MARCHF1: variants seen among roughly 807,000 people sequenced by gnomAD.
MARCHF1 encodes E3 ubiquitin-protein ligase MARCHF1.
A neutral mutation model predicts 54.2 loss-of-function variants in MARCHF1; 40 were observed. That is an observed-to-expected ratio of 0.74 (90% confidence interval 0.57 to 0.96). The LOEUF is 0.96. MARCHF1 is among the 40% of genes least tolerant of loss of function. MARCHF1 has a pLI of 0.00. For missense variants in MARCHF1, 586 were observed against 656.5 expected, an observed-to-expected ratio of 0.89 and a Z score of 1.17; for synonymous variants, 236 against 236.3, an observed-to-expected ratio of 1.00 and a Z score of 0.01.
At chr4:163,543,704 G>C (rs17576559) in intron 9 of MARCHF1, among the ~76,000 whole-genome samples, 12,719 of 152,152 alleles carry the variant, frequency 0.084, 625 homozygotes, top group African/African-American at 0.13. Flanking sequence ...GTAAATGATT[G>C]CTATTCAGTC....
intron 1 of MARCHF1, among the ~76,000 whole-genome samples, chr4:164,381,575 C>T (rs190212566): frequency 6.8e-4 from 104 of 152,154 alleles, no homozygotes; most frequent in Non-Finnish European, 1.2e-3. Context: ...TATCATATGC[C>T]AAAAACCATG....
intron 3 of MARCHF1, among the ~76,000 whole-genome samples, chr4:163,972,201 G>T (rs963887212): frequency 2.6e-5 from 4 of 152,068 alleles, no homozygotes; most frequent in African/African-American, 9.7e-5. Flanking sequence ...CCTATCAGGG[G>T]GTGGGGAGCT....
At chr4:164,025,512 G>T (rs1407331103) in intron 2 of MARCHF1, among the ~76,000 whole-genome samples, 3 of 151,820 alleles carry the variant, frequency 2.0e-5, no homozygotes, top group Non-Finnish European at 4.4e-5. Flanking sequence ...CAAAATTAAG[G>T]CCAAAAAATT....
chr4:163,652,514 T>C (rs1743003347), intron 5 of MARCHF1, among the ~76,000 whole-genome samples: 1 of 151,752 alleles, frequency 6.6e-6, no homozygotes, highest in Non-Finnish European at 1.5e-5. Context: ...CTCGGCAGAG[T>C]AGCTTCCTTT....
At chr4:164,201,435 T>C (rs1731451956) in intron 1 of MARCHF1, among the ~76,000 whole-genome samples, 1 of 152,202 alleles carries the variant, frequency 6.6e-6, no homozygotes. Flanking sequence ...TTGGCCATGA[T>C]GGTCTCCATC....
At chr4:164,014,344 T>G (rs1269948241) in intron 2 of MARCHF1, among the ~76,000 whole-genome samples, 2 of 152,176 alleles carry the variant, frequency 1.3e-5, no homozygotes, top group African/African-American at 2.4e-5. Flanking sequence ...CAAACTAATT[T>G]GTATAAAATG....
intron 4 of MARCHF1, among the ~76,000 whole-genome samples, chr4:163,716,019 G>T (rs1273946108): frequency 2.6e-5 from 4 of 152,186 alleles, no homozygotes; most frequent in African/African-American, 9.7e-5. Flanking sequence ...GATATGTGCT[G>T]TCATCAAAAT....
chr4:163,814,331 C>T (rs1029128250), intron 4 of MARCHF1, among the ~76,000 whole-genome samples: 3 of 152,244 alleles, frequency 2.0e-5, no homozygotes, highest in East Asian at 3.9e-4. Context: ...TTTTCTCATT[C>T]CTTTGACTCC....
chr4:164,366,451 T>A (rs1311102523), intron 1 of MARCHF1, among the ~76,000 whole-genome samples: 1 of 152,028 alleles, frequency 6.6e-6, no homozygotes, highest in African/African-American at 2.4e-5. Flanking sequence ...ATATTGTATT[T>A]TTTTCTTTTT....
rs147858385 is a variant in MARCHF1, at chr4:163,575,232, G to A, written c.1191+10517C>T. Among the ~76,000 whole-genome samples the A allele has an allele frequency of 1.1e-4, 16 of 152,086 alleles. No homozygotes were observed. In the East Asian group the frequency reaches 1.7e-3, roughly 17 times the overall value. On this transcript the variant is annotated intron_variant, in intron 8 of 9. Transcript: ENST00000514618. Reference sequence around the variant, plus strand: ...GTCCCTTTTAAGACTAGTTTGTTGAGGGTTTTTATCATGAAGGAATGCTGG... The same window carrying A: ...GTCCCTTTTAAGACTAGTTTGTTGAAGGTTTTTATCATGAAGGAATGCTGG...
At chr4:164,261,260 T>A (rs1238109454) in intron 1 of MARCHF1, among the ~76,000 whole-genome samples, 2 of 152,114 alleles carry the variant, frequency 1.3e-5, no homozygotes, top group Non-Finnish European at 2.9e-5. Context: ...CAGTTTGTGG[T>A]ACTTTATTAC....
intron 2 of MARCHF1, among the ~76,000 whole-genome samples, chr4:164,062,142 T>C (rs996852274): frequency 6.6e-6 from 1 of 152,230 alleles, no homozygotes; most frequent in Admixed American, 6.5e-5. Flanking sequence ...AGATTCCATC[T>C]CAGAGAATCA....
chr4:164,312,392 A>G (rs989287342), intron 1 of MARCHF1, among the ~76,000 whole-genome samples: 4 of 132,356 alleles, frequency 3.0e-5, no homozygotes, highest in East Asian at 2.1e-4. Flanking sequence ...GCGCAATCTC[A>G]GCTCACTGCA....
chr4:164,215,710 T>A (rs1012831692), intron 1 of MARCHF1, among the ~76,000 whole-genome samples: 1 of 151,938 alleles, frequency 6.6e-6, no homozygotes, highest in Non-Finnish European at 1.5e-5. Context: ...TTTAAAAGAT[T>A]TAGGAGGGAG....
At chr4:164,203,198 C>A (rs144038766) in intron 1 of MARCHF1, among the ~76,000 whole-genome samples, 132 of 151,976 alleles carry the variant, frequency 8.7e-4, no homozygotes, top group Middle Eastern at 3.4e-3. Context: ...ACTCAAACAG[C>A]TTATATTAAC....
At chr4:164,255,853 T>C (rs1463326268) in intron 1 of MARCHF1, among the ~76,000 whole-genome samples, 1 of 152,060 alleles carries the variant, frequency 6.6e-6, no homozygotes, top group Non-Finnish European at 1.5e-5. Context: ...ACCAAATACC[T>C]AAAAAATGAG....
chr4:163,815,761 C>T (rs1287223352), intron 4 of MARCHF1, among the ~76,000 whole-genome samples: 2 of 151,916 alleles, frequency 1.3e-5, no homozygotes, highest in African/African-American at 4.8e-5. Flanking sequence ...TTATAAGATA[C>T]CAGAATATTG....
At chr4:163,610,091 C>T (rs1209856761) in intron 7 of MARCHF1, among the ~76,000 whole-genome samples, 1 of 151,984 alleles carries the variant, frequency 6.6e-6, no homozygotes, top group African/African-American at 2.4e-5. Flanking sequence ...TTCTCAGCCC[C>T]AGTACCTCTT....
At chr4:163,823,733 A>G (rs1252064186) in intron 4 of MARCHF1, among the ~76,000 whole-genome samples, 1 of 151,898 alleles carries the variant, frequency 6.6e-6, no homozygotes, top group African/African-American at 2.4e-5. Flanking sequence ...CAAAAGTAGT[A>G]ATTAACGTAT....
Sources: gnomAD v4.1 joint callset for allele counts (sites outside exome capture counted in the v4.1 genomes callset) on GRCh38, gnomAD v4.1.1 for gene constraint, MANE v1.5 for transcripts, NCBI Gene and HGNC (gene_info 2026-07-23, HGNC 2026-07-21) for gene names.